The following ARHGAP6 variants were observed in gnomAD, a reference collection of about 807,000 sequenced individuals.
The protein encoded by ARHGAP6 is rho GTPase-activating protein 6.
In ARHGAP6, 16 loss-of-function variants were observed where a neutral mutation model predicts 55.7. The ratio of observed to expected loss-of-function variants is 0.29; its 90% CI spans 0.19 to 0.44. The LOEUF is 0.44. Ranked by LOEUF, ARHGAP6 falls within the 20% of genes least tolerant of loss-of-function variation. The pLI is 1.00. For synonymous variants in ARHGAP6, 382 were observed against 360.9 expected, an observed-to-expected ratio of 1.06 and a Z score of -0.66; for missense variants, 698 against 808.9, an observed-to-expected ratio of 0.86 and a Z score of 1.66.
rs1231865790 is a variant in ARHGAP6 at position 11,395,402 on chromosome X, A to T, written c.589-140695T>A. On this transcript the variant is annotated intron_variant, in intron 1 of 12. Coordinates refer to ENST00000337414, the MANE Select transcript of ARHGAP6 (RefSeq NM_013427.3). Reference sequence around the variant, plus strand: ...TCAAAAAACAAAAAGGAAGGACTCAATGGGGCAGCAGTGTGCTGATAAAAC... The same window carrying T: ...TCAAAAAACAAAAAGGAAGGACTCATTGGGGCAGCAGTGTGCTGATAAAAC... Among the ~76,000 whole-genome samples, 3 of 112,697 alleles carry T rather than the reference A, an allele frequency of 2.7e-5. No individual in the cohort carries two copies. In the Admixed American group the frequency reaches 2.8e-4, roughly 11 times the overall value.
At chrX:11,361,815 A>T (rs2049015164) in intron 1 of ARHGAP6, among the ~76,000 whole-genome samples, 1 of 112,081 alleles carries the variant, frequency 8.9e-6, no homozygotes, top group Non-Finnish European at 1.9e-5. Flanking sequence ...CAAGAAAAAA[A>T]CGACCAACCC....
At chrX:11,205,557 T>C (rs762730385) in intron 2 of ARHGAP6, among the ~76,000 whole-genome samples, 1 of 112,000 alleles carries the variant, frequency 8.9e-6, no homozygotes, top group Non-Finnish European at 1.9e-5. Flanking sequence ...GACCCTGAAA[T>C]CTCTTATAGT....
chrX:11,454,011 T>C (rs1401328366), intron 1 of ARHGAP6, among the ~76,000 whole-genome samples: 1 of 111,101 alleles, frequency 9.0e-6, no homozygotes, highest in Non-Finnish European at 1.9e-5. Context: ...TGGCACGATC[T>C]CGGCTCACTG....
intron 1 of ARHGAP6, among the ~76,000 whole-genome samples, chrX:11,609,189 C>T (rs1464983122): frequency 9.0e-6 from 1 of 111,629 alleles, no homozygotes; most frequent in Non-Finnish European, 1.9e-5. Flanking sequence ...TTGGGTTCCA[C>T]CAAAAGAAGA....
chrX:11,653,276 C>T (rs771036282), intron 1 of ARHGAP6, among the ~76,000 whole-genome samples: 2 of 112,465 alleles, frequency 1.8e-5, no homozygotes, highest in Non-Finnish European at 3.8e-5. Flanking sequence ...TTGGGTTACA[C>T]CAAATCCACA....
intron 7 of ARHGAP6, 90 bp downstream of exon 7, chrX:11,179,212 A>T (rs2046278394): frequency 1.1e-6 from 1 of 911,125 alleles, no homozygotes; most frequent in Non-Finnish European, 1.5e-6. Context: ...ACAAAAAGTT[A>T]TCAGGAAACA....
chrX:11,456,302 T>A lies in ARHGAP6; in HGVS notation c.589-201595A>T, dbSNP rs1274569324. Among the ~76,000 whole-genome samples, 5 of 111,591 alleles carry A rather than the reference T, an allele frequency of 4.5e-5. 1 individual carries two copies. In the Admixed American group the frequency reaches 4.8e-4, roughly 11 times the overall value. On this transcript the variant is annotated intron_variant, in intron 1 of 12. Transcript: ENST00000337414. The stretch of plus-strand genomic sequence containing the variant: ...TAATTCTTCCCCATTTTTTACAGAT[T>A]TTTTACAATTTCAATCAAAATCCAA...
intron 1 of ARHGAP6, among the ~76,000 whole-genome samples, chrX:11,299,736 CAT>C (rs930136966): frequency 9.0e-6 from 1 of 111,375 alleles, no homozygotes; most frequent in African/African-American, 3.3e-5. Flanking sequence ...CCAATTTATA[CAT>C]GTTATTGATG....
intron 1 of ARHGAP6, among the ~76,000 whole-genome samples, chrX:11,350,260 G>A (rs1357424423): frequency 1.8e-5 from 2 of 111,935 alleles, no homozygotes; most frequent in African/African-American, 6.5e-5. Context: ...GAAAAAACAA[G>A]ATCTTTTAAA....
intron 1 of ARHGAP6, among the ~76,000 whole-genome samples, chrX:11,535,695 T>C (rs922655046): frequency 2.7e-5 from 3 of 111,569 alleles, no homozygotes; most frequent in Non-Finnish European, 5.6e-5. Context: ...ACACCGATTC[T>C]GGGGCTGCAT....
chrX:11,190,473 A>ATATATATATATATACACATATATATG (rs1555967766), intron 3 of ARHGAP6, among the ~76,000 whole-genome samples: 5 of 100,380 alleles, frequency 5.0e-5, no homozygotes, highest in African/African-American at 1.9e-4. Context: ...ATATATATAT[A>ATATATATATATATACACATATATATG]TATATATACA....
intron 1 of ARHGAP6, among the ~76,000 whole-genome samples, chrX:11,490,089 C>A (rs755820178): frequency 9.0e-6 from 1 of 111,579 alleles, no homozygotes; most frequent in Non-Finnish European, 1.9e-5. Flanking sequence ...TCCAGTGAAT[C>A]ACACCCTTAT....
chrX:11,275,300 C>T (rs929234866), intron 1 of ARHGAP6, among the ~76,000 whole-genome samples: 4 of 111,649 alleles, frequency 3.6e-5, no homozygotes, highest in East Asian at 5.6e-4. Context: ...GTAAAGGGTA[C>T]GTATGCAAAT....
At chrX:11,570,951 C>A (rs1270063605) in intron 1 of ARHGAP6, among the ~76,000 whole-genome samples, 1 of 110,530 alleles carries the variant, frequency 9.0e-6, no homozygotes, top group Admixed American at 9.7e-5. Context: ...CCAGAGGTAA[C>A]CAGCTTAGGC....
At chrX:11,278,564 T>C (rs1367247205) in intron 1 of ARHGAP6, among the ~76,000 whole-genome samples, 1 of 111,959 alleles carries the variant, frequency 8.9e-6, no homozygotes, top group African/African-American at 3.2e-5. Context: ...ATGTGTATTG[T>C]TTCATGGCAC....
chrX:11,230,405 C>G (rs2047111479), intron 2 of ARHGAP6, among the ~76,000 whole-genome samples: 1 of 110,846 alleles, frequency 9.0e-6, no homozygotes, highest in Non-Finnish European at 1.9e-5. Flanking sequence ...AGCATGTTGG[C>G]CAGGATGGTC....
chrX:11,567,566 A>AAAAAAAAAAAAAATATATATATAT lies in ARHGAP6; in HGVS notation c.588+96674_588+96675insATATATATATATTTTTTTTTTTTT, dbSNP rs1440758737. Reference sequence around the variant, plus strand: ...GAGACTCCATCTCAAAAAAAAAAAAAATATATATATATATTTGCCTCAGAG... The same window carrying AAAAAAAAAAAAAATATATATATAT: ...GAGACTCCATCTCAAAAAAAAAAAAAAAAAAAAAAAAAATATATATATATATATATATATATATTTGCCTCAGAG... On this transcript the variant is annotated intron_variant, in intron 1 of 12. Coordinates refer to ENST00000337414, the MANE Select transcript of ARHGAP6 (RefSeq NM_013427.3). Among the ~76,000 whole-genome samples the AAAAAAAAAAAAAATATATATATAT allele has an allele frequency of 7.0e-3, 590 of 84,104 alleles. 5 individuals are homozygous for AAAAAAAAAAAAAATATATATATAT. The highest frequency in any genetic ancestry group is 0.014 in the Middle Eastern group (2 of 142). 73.0% of individuals were successfully genotyped at this position (84,104 alleles called of 115,157 possible).
At chrX:11,548,283 A>C (rs2051231972) in intron 1 of ARHGAP6, among the ~76,000 whole-genome samples, 1 of 111,816 alleles carries the variant, frequency 8.9e-6, no homozygotes, top group African/African-American at 3.3e-5. Flanking sequence ...CCTCTCTCCT[A>C]GTTTTTTGAC....
intron 1 of ARHGAP6, among the ~76,000 whole-genome samples, chrX:11,400,515 C>G (rs1453638661): frequency 1.9e-5 from 2 of 107,180 alleles, no homozygotes; most frequent in Admixed American, 1.0e-4. Context: ...CCCCGTCCCC[C>G]CCTGGCTAAA....
Sources: gnomAD v4.1 joint callset for allele counts (sites outside exome capture counted in the v4.1 genomes callset) on GRCh38, gnomAD v4.1.1 for gene constraint, MANE v1.5 for transcripts, NCBI Gene and HGNC (gene_info 2026-07-23, HGNC 2026-07-21) for gene names.